Variants in HOXD3 observed in about 807,000 individuals in gnomAD.
The protein encoded by HOXD3 is homeobox protein Hox-D3.
A neutral mutation model predicts 32.8 loss-of-function variants in HOXD3; 13 were observed. The ratio of observed to expected loss-of-function variants is 0.40; its 90% CI spans 0.26 to 0.63. The LOEUF (loss-of-function observed/expected upper bound fraction) is 0.63, where lower values mean the gene tolerates loss of function less well. Among genes scored for constraint, HOXD3 ranks in the 20% least tolerant of loss-of-function variants. HOXD3 has a pLI of 0.44. For missense variants in HOXD3, 504 were observed against 577.1 expected, an observed-to-expected ratio of 0.87 and a Z score of 1.30; for synonymous variants, 241 against 246.8, an observed-to-expected ratio of 0.98 and a Z score of 0.22.
At chr2:176,162,065 T>A (rs1360040888) in intron 1 of HOXD3, among the ~76,000 whole-genome samples, 1 of 152,290 alleles carries the variant, frequency 6.6e-6, no homozygotes, top group South Asian at 2.1e-4. Context: ...CAAGGAGCAT[T>A]CCCTTAGCTT....
intron 3 of HOXD3, 48 bp from the exon 4 acceptor site, chr2:176,171,469 G>T: frequency 6.6e-7 from 1 of 1,519,532 alleles, no homozygotes; most frequent in Non-Finnish European, 8.9e-7. Flanking sequence ...AGTCCTGAGG[G>T]TCCCCACCCA....
chr2:176,164,154 A>G lies in HOXD3; in HGVS notation c.-99A>G, dbSNP rs1690891220. On this transcript the variant is annotated 5_prime_UTR_variant, in exon 2 of 4. Coordinates refer to ENST00000683222, the MANE Select transcript of HOXD3 (RefSeq NM_006898.5). ...AAAGACAAAATTCAAGAAAACACAC[A>G]CATACATAATTGTGGTGAGTGGGCA... 2 of 152,246 alleles carry G rather than the reference A, an allele frequency of 1.3e-5. No homozygotes were observed. The highest frequency in any genetic ancestry group is 1.3e-4 in the Admixed American group (2 of 15,288). 9.4% of individuals were successfully genotyped at this position (152,246 alleles called of 1,614,324 possible). A position where few individuals can be genotyped will look rare whatever the true frequency, so the allele number is the denominator to read the frequency against.
chr2:176,171,854 C>A lies in HOXD3; in HGVS notation c.879C>A (p.Ala293=). The change falls in exon 4 of 4, where the codon GCC becomes GCA. Residue 293 remains alanine, a synonymous_variant. Transcript: ENST00000683222. ...AGCTGCCGCCAGTGCCCGGCCTGGC[C>A]TACGACGCGCCCTCGCCGCCTGCTT... ...SGQLPPVPGL[A]YDAPSPPAFA... 1 of 1,602,678 alleles carries A rather than the reference C, an allele frequency of 6.2e-7. No homozygotes were observed. The highest frequency in any genetic ancestry group is 8.5e-7 in the Non-Finnish European group (1 of 1,174,800).
upstream of HOXD3, among the ~76,000 whole-genome samples, chr2:176,155,914 TGTCA>T (rs1250400453): frequency 1.1e-4 from 17 of 152,220 alleles, no homozygotes; most frequent in African/African-American, 3.9e-4. Context: ...GAGATGACAC[TGTCA>T]GTCAGCCCAT....
At chr2:176,158,791 T>C (rs1181997236) in intron 1 of HOXD3, among the ~76,000 whole-genome samples, 2 of 152,084 alleles carry the variant, frequency 1.3e-5, no homozygotes, top group Non-Finnish European at 2.9e-5. Context: ...CTTGCATTTT[T>C]CTCAATGAGA....
intron 1 of HOXD3, among the ~76,000 whole-genome samples, chr2:176,158,496 C>A (rs1047808207): frequency 6.6e-5 from 10 of 152,198 alleles, no homozygotes; most frequent in African/African-American, 2.4e-4. Context: ...CCTCTTGTTG[C>A]TGTGAGATAC....
upstream of HOXD3, among the ~76,000 whole-genome samples, chr2:176,156,501 C>G (rs1490082546): frequency 1.3e-5 from 2 of 152,194 alleles, no homozygotes; most frequent in Non-Finnish European, 2.9e-5. Flanking sequence ...TCCCCCACCC[C>G]TAAGGCAGGG....
At chr2:176,156,576 C>T (rs1488503266), upstream of HOXD3, among the ~76,000 whole-genome samples, 1 of 152,202 alleles carries the variant, frequency 6.6e-6, no homozygotes, top group African/African-American at 2.4e-5. Flanking sequence ...GACCCCCGGG[C>T]CTCCACTCTT....
At chr2:176,163,559 C>A (rs1005995786) in intron 1 of HOXD3, among the ~76,000 whole-genome samples, 1 of 152,186 alleles carries the variant, frequency 6.6e-6, no homozygotes, top group Non-Finnish European at 1.5e-5. Context: ...CAGGAACTAG[C>A]GCCCAGGTCC....
chr2:176,158,939 C>T (rs1574977542), intron 1 of HOXD3, among the ~76,000 whole-genome samples: 2 of 152,054 alleles, frequency 1.3e-5, no homozygotes, highest in Admixed American at 6.5e-5. Context: ...CCCAAGGCCC[C>T]GGCTTGGCGG....
intron 2 of HOXD3, among the ~76,000 whole-genome samples, chr2:176,168,301 T>TCA (rs1176436099): frequency 6.7e-6 from 1 of 148,398 alleles, no homozygotes; most frequent in Non-Finnish European, 1.5e-5. Flanking sequence ...GCGCAGTGGC[T>TCA]CACACCTGTA....
chr2:176,156,411 C>A (rs887461880), upstream of HOXD3, among the ~76,000 whole-genome samples: 1 of 152,170 alleles, frequency 6.6e-6, no homozygotes, highest in Admixed American at 6.5e-5. Flanking sequence ...CTGCTGGGCC[C>A]GGGCCAGGCC....
chr2:176,160,714 A>G (rs1387481377), intron 1 of HOXD3, among the ~76,000 whole-genome samples: 1 of 152,132 alleles, frequency 6.6e-6, no homozygotes, highest in Non-Finnish European at 1.5e-5. Flanking sequence ...AAGCAAAACA[A>G]ATCCCAAGCT....
At chr2:176,161,783 G>T (rs912668897) in intron 1 of HOXD3, among the ~76,000 whole-genome samples, 2 of 152,220 alleles carry the variant, frequency 1.3e-5, no homozygotes, top group Non-Finnish European at 2.9e-5. Flanking sequence ...TGCCGTAGTG[G>T]CAGAGAAAAG....
At chr2:176,160,108 C>T (rs1480003647) in intron 1 of HOXD3, among the ~76,000 whole-genome samples, 3 of 152,152 alleles carry the variant, frequency 2.0e-5, no homozygotes, top group Non-Finnish European at 2.9e-5. Flanking sequence ...AGCTGAGAGT[C>T]GCGGCTTCCA....
At chr2:176,153,131 T>TGGGGGTG, upstream of HOXD3, 1 of 347,152 alleles carries the variant, frequency 2.9e-6, no homozygotes. Flanking sequence ...GGGATGGGGA[T>TGGGGGTG]GGGAGGGGGG....
At chr2:176,163,897 C>A (rs1690885678) in intron 1 of HOXD3, among the ~76,000 whole-genome samples, 176 bp from the exon 2 acceptor site, 1 of 152,144 alleles carries the variant, frequency 6.6e-6, no homozygotes, top group African/African-American at 2.4e-5. Flanking sequence ...GGCCCTCGCT[C>A]CCCAGGAGCC....
At chr2:176,157,185 G>T (rs1460755266), upstream of HOXD3, among the ~76,000 whole-genome samples, 3 of 152,182 alleles carry the variant, frequency 2.0e-5, no homozygotes, top group Non-Finnish European at 4.4e-5. Context: ...GGCAGCCGGG[G>T]GAGGGCCTTT....
Position 176,171,756 on chromosome 2 carries a change from T to G in HOXD3, c.781T>G (p.Ser261Ala), listed in dbSNP as rs1490689874. ...KDQKAKGILH[S>A]PASQSPERSP... ...CCAGAAGGCCAAGGGCATCCTGCAC[T>G]CGCCGGCTAGCCAGTCCCCTGAGCG... The change falls in exon 4 of 4, where the codon TCG becomes GCG. Residue 261 changes from serine to alanine, a missense_variant. By Grantham distance (99) the Ser-to-Ala change is moderately conservative. Around this residue, in one of 3 missense-constraint regions of HOXD3, gnomAD observed 97 missense variants for 158.0 expected, o/e 0.61. Coordinates refer to ENST00000683222, the MANE Select transcript of HOXD3 (RefSeq NM_006898.5). 1 of 1,613,700 alleles carries G rather than the reference T, an allele frequency of 6.2e-7. No individual in the cohort carries two copies. Among genetic ancestry groups the G allele is most frequent in the African/African-American group, 1.3e-5 (1 of 74,906 alleles).
Sources: gnomAD v4.1 joint callset for allele counts (sites outside exome capture counted in the v4.1 genomes callset) on GRCh38, gnomAD v4.1.1 for gene constraint, gnomAD v4.1.1 regional missense constraint, MANE v1.5 for transcripts, NCBI Gene and HGNC (gene_info 2026-07-23, HGNC 2026-07-21) for gene names.